The following TBC1D14 variants were observed in gnomAD, a reference collection of about 807,000 sequenced individuals.
TBC1D14 encodes the protein TBC1 domain family member 14, also known as TBC1 domain family, member 14.
A neutral mutation model predicts 79.0 loss-of-function variants in TBC1D14; 26 were observed. The ratio of observed to expected loss-of-function variants is 0.33; its 90% CI spans 0.24 to 0.46. TBC1D14 has a LOEUF of 0.46. TBC1D14 is among the 20% of genes least tolerant of loss of function. The pLI is 1.00. For synonymous variants in TBC1D14, 394 were observed against 349.9 expected (o/e 1.13, Z -1.40); for missense variants, 769 against 887.6 (o/e 0.87, Z 1.70).
chr4:7,023,675 G>T (rs1001884232), intron 12 of TBC1D14, among the ~76,000 whole-genome samples: 2 of 152,210 alleles, frequency 1.3e-5, no homozygotes, highest in Admixed American at 1.3e-4. Flanking sequence ...TTGGAGTCAG[G>T]TTCAGAGTCT....
chr4:6,967,312 T>G lies in TBC1D14; in HGVS notation c.731T>G (p.Leu244Arg). 6.2e-7 allele frequency: 1 copy of G among 1,613,840 alleles called. No homozygotes were observed. Among genetic ancestry groups the G allele is most frequent in the Non-Finnish European group, 8.5e-7 (1 of 1,179,964 alleles). Residue 244 changes from leucine (L) to arginine (R), a missense_variant, in exon 3 of 14, where the codon CTT becomes CGT. By Grantham distance (102) the Leu-to-Arg change is moderately radical. Transcript: ENST00000409757. ...TTATTTTCTTCCTATAGGAACTTGC[T>G]TGCTAGAAAACAAAGTGCAAGGCTT... ...PFSNFFARNL[L>R]ARKQSARLDK...
intron 11 of TBC1D14, among the ~76,000 whole-genome samples, chr4:7,012,279 GCGAC>G (rs1266760781): frequency 1.1e-4 from 17 of 148,224 alleles, no homozygotes; most frequent in African/African-American, 4.2e-4. Flanking sequence ...TCCAGCCTGG[GCGAC>G]AGAGCGAGAC....
chr4:6,937,489 AC>A (rs34669280), intron 2 of TBC1D14, among the ~76,000 whole-genome samples: 68,902 of 151,900 alleles, frequency 0.45, 16,601 homozygotes, highest in East Asian at 0.68. Context: ...GGGGGCACAA[AC>A]CCTGGGGTTG....
intron 3 of TBC1D14, among the ~76,000 whole-genome samples, chr4:6,979,972 A>C (rs1467089413): frequency 6.6e-6 from 1 of 152,246 alleles, no homozygotes; most frequent in African/African-American, 2.4e-5. Flanking sequence ...GAGTGTCAAC[A>C]GTCCTCACTA....
chr4:7,014,449 T>A lies in TBC1D14; in HGVS notation c.1649T>A (p.Met550Lys), dbSNP rs1721088186. 1 of 1,607,276 alleles carries A rather than the reference T, an allele frequency of 6.2e-7. No individual in the cohort carries two copies. Among genetic ancestry groups the A allele is most frequent in the African/African-American group, 1.3e-5 (1 of 74,830 alleles). ...MAFFRVDHGL[M>K]LTYFAAFEVF... ...GTAAATTTCATATTATCTCCCTAGA[T>A]GTTGACTTATTTTGCTGCATTTGAA... Residue 550 changes from methionine (M) to lysine (K), a missense_variant and splice_region_variant, in exon 12 of 14, where the codon ATG becomes AAG. Physicochemically the swap from Met to Lys is moderately conservative, Grantham distance 95. This residue lies in a region of TBC1D14 where 367 missense variants were observed against 494.4 expected (regional missense o/e 0.74). Transcript: ENST00000409757.
At chr4:6,925,218 G>T (rs1379799518) in intron 2 of TBC1D14, among the ~76,000 whole-genome samples, 1 of 152,208 alleles carries the variant, frequency 6.6e-6, no homozygotes, top group Non-Finnish European at 1.5e-5. Context: ...GGTGAGCCGA[G>T]ATCGCGCCAC....
chr4:6,936,643 C>G (rs1712359640), intron 2 of TBC1D14, among the ~76,000 whole-genome samples: 1 of 152,124 alleles, frequency 6.6e-6, no homozygotes, highest in Non-Finnish European at 1.5e-5. Flanking sequence ...TGGGTAAATA[C>G]CAAGGCGTGC....
At chr4:6,910,988 G>A (rs1303848427) in intron 1 of TBC1D14, among the ~76,000 whole-genome samples, 3 of 152,198 alleles carry the variant, frequency 2.0e-5, no homozygotes, top group African/African-American at 7.2e-5. Context: ...ATTGTAGGAT[G>A]TTGGCACCTA....
At chr4:6,945,524 G>A (rs1292409346) in intron 2 of TBC1D14, among the ~76,000 whole-genome samples, 2 of 152,082 alleles carry the variant, frequency 1.3e-5, no homozygotes, top group African/African-American at 4.8e-5. Context: ...TGAGGTGGGC[G>A]GATCACCTGA....
intron 9 of TBC1D14, among the ~76,000 whole-genome samples, chr4:7,007,918 A>G (rs1720371171): frequency 6.6e-6 from 1 of 152,106 alleles, no homozygotes; most frequent in Non-Finnish European, 1.5e-5. Flanking sequence ...CCAGGCTCTC[A>G]GAGGGATCCA....
rs577347962 is a variant in TBC1D14, at chr4:6,939,224, C to T, written c.722+15113C>T. ...AGCAGGAAGAACCTTCTGGAATCAG[C>T]AGTAGTCCCTGCTGTCCTCCTGCAG... On this transcript the variant is annotated intron_variant, in intron 2 of 13. Coordinates refer to ENST00000409757, the MANE Select transcript of TBC1D14 (RefSeq NM_020773.3). Among the ~76,000 whole-genome samples, 6 of 152,274 alleles carry T rather than the reference C, an allele frequency of 3.9e-5. No homozygotes were observed. In the East Asian group the frequency reaches 1.2e-3, roughly 29 times the overall value.
chr4:6,909,609 G>C (rs1450886252), upstream of TBC1D14: 1 of 151,246 alleles, frequency 6.6e-6, no homozygotes, highest in Non-Finnish European at 1.5e-5. Context: ...AAAAAAAAGG[G>C]CCGGCGACGC....
chr4:6,967,178 G>A, intron 2 of TBC1D14, 126 bp from the exon 3 acceptor site: 10 of 1,240,698 alleles, frequency 8.1e-6, no homozygotes, highest in Non-Finnish European at 1.1e-5. Context: ...TGAAAATCAA[G>A]TCTGAAGAAT....
intron 1 of TBC1D14, among the ~76,000 whole-genome samples, chr4:6,916,634 A>AGGAGG (rs1723422674): frequency 6.6e-6 from 1 of 152,158 alleles, no homozygotes; most frequent in African/African-American, 2.4e-5. Context: ...TGGTGGCGTG[A>AGGAGG]CAGTTGATTG....
intron 3 of TBC1D14, among the ~76,000 whole-genome samples, chr4:6,993,416 G>T (rs1340694693): frequency 6.6e-6 from 1 of 152,190 alleles, no homozygotes; most frequent in African/African-American, 2.4e-5. Context: ...TGCAGTGCAC[G>T]GGTGAATCGG....
chr4:6,970,453 G>A (rs1044868310), intron 3 of TBC1D14, among the ~76,000 whole-genome samples: 1 of 152,238 alleles, frequency 6.6e-6, no homozygotes, highest in African/African-American at 2.4e-5. Flanking sequence ...TGCTGTTACC[G>A]TTGTTTCTTT....
chr4:6,955,605 G>A (rs41410847), intron 2 of TBC1D14, among the ~76,000 whole-genome samples: 20,339 of 152,236 alleles, frequency 0.13, 1,860 homozygotes, highest in African/African-American at 0.26. Context: ...GGAATCGGAA[G>A]TTGCCAGCAG....
Position 6,939,331 on chromosome 4 carries a change from C to G in TBC1D14, c.722+15220C>G, listed in dbSNP as rs917040258. Reference sequence around the variant, plus strand: ...GAGAAGAATCCACAGGAGCCCCCCCCAGGAAGAATGGCCCCCTTTGCTGTG... The same window carrying G: ...GAGAAGAATCCACAGGAGCCCCCCCGAGGAAGAATGGCCCCCTTTGCTGTG... On this transcript the variant is annotated intron_variant, in intron 2 of 13. Transcript: ENST00000409757. 2.6e-5 allele frequency among the ~76,000 whole-genome samples: 4 copies of G among 151,320 alleles called. No homozygotes were observed. In the South Asian group the frequency reaches 6.3e-4, roughly 24 times the overall value.
intron 2 of TBC1D14, among the ~76,000 whole-genome samples, chr4:6,930,866 C>T (rs1429130124): frequency 1.3e-5 from 2 of 151,296 alleles, no homozygotes; most frequent in Non-Finnish European, 2.9e-5. Flanking sequence ...AGTGTTTGCA[C>T]AGGCACACAC....
Sources: allele counts gnomAD v4.1 joint callset (sites outside exome capture counted in the v4.1 genomes callset), GRCh38; gene constraint gnomAD v4.1.1; regional missense constraint gnomAD v4.1.1; transcripts MANE v1.5; gene names NCBI Gene and HGNC (gene_info 2026-07-23, HGNC 2026-07-21).